PTPN5: variants seen among roughly 807,000 people sequenced by gnomAD.
The protein encoded by PTPN5 is protein tyrosine phosphatase non-receptor type 5, also known as tyrosine-protein phosphatase non-receptor type 5.
Under a neutral mutation model 73.9 loss-of-function variants are expected in PTPN5, and 29 were observed. The ratio of observed to expected loss-of-function variants is 0.39; its 90% CI spans 0.29 to 0.54. The LOEUF (loss-of-function observed/expected upper bound fraction) is 0.54. Among genes scored for constraint, PTPN5 ranks in the 20% least tolerant of loss-of-function variants. The pLI is 0.65. For missense variants in PTPN5, 652 were observed against 751.4 expected (o/e 0.87, Z 1.55); for synonymous variants, 267 against 304.7 (o/e 0.88, Z 1.29).
intron 1 of PTPN5, among the ~76,000 whole-genome samples, chr11:18,775,196 T>C (rs1016333123): frequency 2.0e-5 from 3 of 152,250 alleles, no homozygotes; most frequent in African/African-American, 7.2e-5. Flanking sequence ...CTTCCCCCAT[T>C]GCCCACATTC....
intron 1 of PTPN5, among the ~76,000 whole-genome samples, chr11:18,787,643 T>G (rs995312968): frequency 3.9e-5 from 6 of 152,198 alleles, no homozygotes; most frequent in Non-Finnish European, 7.3e-5. Flanking sequence ...TCCCCAGGTC[T>G]CCTCTTCACT....
At chr11:18,790,226 G>A (rs1851853794) in intron 1 of PTPN5, among the ~76,000 whole-genome samples, 1 of 152,066 alleles carries the variant, frequency 6.6e-6, no homozygotes, top group African/African-American at 2.4e-5. Flanking sequence ...CAGCAGCTTT[G>A]TCAGCAGCAC....
At chr11:18,772,407 T>A (rs978293841) in intron 1 of PTPN5, among the ~76,000 whole-genome samples, 4 of 152,238 alleles carry the variant, frequency 2.6e-5, no homozygotes, top group African/African-American at 9.6e-5. Context: ...AGTTCACTGC[T>A]ATTTCCGTCC....
chr11:18,731,190 TTTA>T lies in PTPN5; in HGVS notation c.1330-1375_1330-1373del, dbSNP rs1365515301. Among the ~76,000 whole-genome samples, 8 of 147,866 alleles carry T rather than the reference TTTA, an allele frequency of 5.4e-5. No individual in the cohort carries two copies. In the East Asian group the frequency reaches 1.6e-3, roughly 29 times the overall value. On this transcript the variant is annotated intron_variant, in intron 12 of 14. Coordinates refer to ENST00000358540, the MANE Select transcript of PTPN5 (RefSeq NM_006906.2). ...TTATATATATTTTATATATTATATATTTATATTATATATATTTTATATATAGGT... is the reference window on the plus strand; with the variant it reads ...TTATATATATTTTATATATTATATATTATTATATATATTTTATATATAGGT...
intron 2 of PTPN5, 62 bp from the exon 3 acceptor site, chr11:18,765,945 A>G (rs1850627217): frequency 2.4e-6 from 3 of 1,227,964 alleles, no homozygotes; most frequent in South Asian, 1.3e-5. Flanking sequence ...AAAAACCCTG[A>G]GCAAAGATAA....
intron 3 of PTPN5, among the ~76,000 whole-genome samples, chr11:18,764,564 TC>T (rs1364072397): frequency 7.2e-5 from 11 of 152,214 alleles, no homozygotes; most frequent in Admixed American, 1.3e-4. Flanking sequence ...CGCTTTAGAC[TC>T]ATACCTGGTT....
Position 18,764,796 on chromosome 11 carries a change from T to TCCGC in PTPN5, c.97+1010_97+1011insGCGG, listed in dbSNP as rs1564917213. On this transcript the variant is annotated intron_variant, in intron 3 of 14. Coordinates refer to ENST00000358540, the MANE Select transcript of PTPN5 (RefSeq NM_006906.2). ...GGCGCGATCTCGGCTCACTGCAAGC[T>TCCGC]CTGCCCTCTGGGTTCACGCCATCCT... Among the ~76,000 whole-genome samples the TCCGC allele has an allele frequency of 1.1e-4, 17 of 152,306 alleles. No homozygotes were observed. The East Asian group carries it at 2.9e-3, about 26-fold the overall frequency.
chr11:18,770,146 A>G (rs1850815171), intron 2 of PTPN5, among the ~76,000 whole-genome samples: 1 of 152,226 alleles, frequency 6.6e-6, no homozygotes, highest in South Asian at 2.1e-4. Flanking sequence ...TAAAATTCCC[A>G]TAGCATAAAA....
At chr11:18,745,858 A>G (rs4757708) in intron 3 of PTPN5, among the ~76,000 whole-genome samples, 146,232 of 152,038 alleles carry the variant, frequency 0.96, 70,555 homozygotes, top group East Asian at 1. Flanking sequence ...TGGTAAGGGT[A>G]GAGGTGGCTT....
chr11:18,762,122 C>T (rs770192309), intron 3 of PTPN5, among the ~76,000 whole-genome samples: 1 of 152,090 alleles, frequency 6.6e-6, no homozygotes, highest in African/African-American at 2.4e-5. Flanking sequence ...GAGGACGTTT[C>T]CACCAAGAAA....
chr11:18,764,605 C>T (rs747009003), intron 3 of PTPN5, among the ~76,000 whole-genome samples: 6 of 152,200 alleles, frequency 3.9e-5, no homozygotes, highest in Non-Finnish European at 7.3e-5. Context: ...AAGAGTATCA[C>T]GTGAAGACTC....
chr11:18,766,312 T>A (rs1850642367), intron 2 of PTPN5, among the ~76,000 whole-genome samples: 1 of 152,222 alleles, frequency 6.6e-6, no homozygotes, highest in South Asian at 2.1e-4. Context: ...TTTGAAATTA[T>A]GACCTAGGAC....
chr11:18,738,611 G>C (rs182532746), intron 8 of PTPN5, among the ~76,000 whole-genome samples: 91 of 152,218 alleles, frequency 6.0e-4, no homozygotes, highest in African/African-American at 1.9e-3. Flanking sequence ...GTCTGAGCTT[G>C]TGACGTTCTG....
chr11:18,743,744 C>T (rs1376808570), intron 4 of PTPN5: 1 of 569,374 alleles, frequency 1.8e-6, no homozygotes, highest in Non-Finnish European at 3.1e-6. Context: ...CCCTGTACGG[C>T]TGGGAGCTCA....
chr11:18,757,063 A>G (rs1054352416), intron 3 of PTPN5, among the ~76,000 whole-genome samples: 4 of 152,200 alleles, frequency 2.6e-5, no homozygotes, highest in African/African-American at 9.7e-5. Flanking sequence ...AAAGTGATTC[A>G]TGCAAGATCC....
chr11:18,734,113 G>A (rs1344480429), intron 9 of PTPN5, among the ~76,000 whole-genome samples: 2 of 136,236 alleles, frequency 1.5e-5, no homozygotes, highest in South Asian at 2.2e-4. Context: ...TGCTTGGGCT[G>A]TTGGGAAGAT....
Position 18,742,832 on chromosome 11 carries a change from A to C in PTPN5, c.483+160T>G, listed in dbSNP as rs1305965757. ...TGCAAACCAATTTTCGGAAAGAAGG[A>C]GGCTCTTGCCCCAGGCTGGCACACT... On this transcript the variant is annotated intron_variant, in intron 6 of 14. Coordinates refer to ENST00000358540, the MANE Select transcript of PTPN5 (RefSeq NM_006906.2). This position sits in a 1 kb window ranked among gnomAD's most constrained non-coding sequence, Gnocchi z 4.1. Among the ~76,000 whole-genome samples, 4 of 152,176 alleles carry C rather than the reference A, an allele frequency of 2.6e-5. No individual in the cohort carries two copies. Among genetic ancestry groups the C allele is most frequent in the Non-Finnish European group, 4.4e-5 (3 of 68,036 alleles).
chr11:18,784,947 G>A (rs1178789000), intron 1 of PTPN5, among the ~76,000 whole-genome samples: 1 of 152,018 alleles, frequency 6.6e-6, no homozygotes, highest in Non-Finnish European at 1.5e-5. Context: ...TCTGCCTCCT[G>A]GGTTCAAGCA....
At chr11:18,746,162 A>AATATAAAT (rs1291741015) in intron 3 of PTPN5, among the ~76,000 whole-genome samples, 2 of 67,670 alleles carry the variant, frequency 3.0e-5, no homozygotes, top group African/African-American at 8.8e-5. Context: ...TATAAATATA[A>AATATAAAT]ATATATATAT....
Sources: allele counts gnomAD v4.1 joint callset (sites outside exome capture counted in the v4.1 genomes callset), GRCh38; gene constraint gnomAD v4.1.1; non-coding constraint Gnocchi (gnomAD v3.1); transcripts MANE v1.5; gene names NCBI Gene and HGNC (gene_info 2026-07-23, HGNC 2026-07-21).